ABLIM2: variants seen among roughly 807,000 people sequenced by gnomAD.
ABLIM2 encodes actin binding LIM protein family member 2, also known as actin-binding LIM protein 2.
A neutral mutation model predicts 97.7 loss-of-function variants in ABLIM2; 53 were observed. That is an observed-to-expected ratio of 0.54 (90% CI 0.44 to 0.68). The LOEUF (loss-of-function observed/expected upper bound fraction) is 0.68. ABLIM2 is among the 30% of genes least tolerant of loss of function. The pLI, the probability that ABLIM2 is intolerant of heterozygous loss-of-function variation, is 0.00. For missense variants in ABLIM2, 835 were observed against 867.2 expected (o/e 0.96, Z 0.47); for synonymous variants, 361 against 345.8 (o/e 1.04, Z -0.49).
rs1715088451 is a variant in ABLIM2 at position 8,155,732 on chromosome 4, G to C, written c.10+2948C>G. 6.6e-6 allele frequency among the ~76,000 whole-genome samples: 1 copy of C among 151,938 alleles called. No individual in the cohort carries two copies. The highest frequency in any genetic ancestry group is 2.4e-5 in the African/African-American group (1 of 41,350). ...TCTGGCTGGGGTTTTCATAAGAACA[G>C]ATTAGGACACAGACACACACAAAGG... is the stretch of plus-strand genomic sequence containing the variant. On this transcript the variant is annotated intron_variant, in intron 1 of 20. Coordinates refer to ENST00000447017, the MANE Select transcript of ABLIM2 (RefSeq NM_001130083.2). The surrounding 1 kb of genome is among the most constrained non-coding windows in gnomAD (Gnocchi z 4.2).
At position 8,075,435 on chromosome 4, in the gene ABLIM2, G is replaced by A. The variant is rs1815386685; in HGVS notation, c.675+2193C>T. Reference sequence around the variant, plus strand: ...GGGCTGGGTATGGTGACTCACACCTGTAATCCCAGCACTTTGGGCGGTGAA... The same window carrying A: ...GGGCTGGGTATGGTGACTCACACCTATAATCCCAGCACTTTGGGCGGTGAA... On this transcript the variant is annotated intron_variant, in intron 6 of 20. Transcript: ENST00000447017. The surrounding 1 kb of genome is among the most constrained non-coding windows in gnomAD (Gnocchi z 4.4). Among the ~76,000 whole-genome samples the A allele has an allele frequency of 6.6e-6, 1 of 152,196 alleles. No individual in the cohort carries two copies. Among genetic ancestry groups the A allele is most frequent in the African/African-American group, 2.4e-5 (1 of 41,444 alleles).
chr4:8,118,797 C>T (rs970772220), intron 1 of ABLIM2, among the ~76,000 whole-genome samples: 34 of 152,216 alleles, frequency 2.2e-4, no homozygotes, highest in African/African-American at 7.7e-4. Context: ...CTTCCAGGCC[C>T]ACGTCAAATG....
At chr4:8,135,032 A>G (rs984135662) in intron 1 of ABLIM2, among the ~76,000 whole-genome samples, 2 of 152,250 alleles carry the variant, frequency 1.3e-5, no homozygotes, top group African/African-American at 4.8e-5. Flanking sequence ...CCCTTGTCCA[A>G]AATGCTCAGC....
chr4:8,152,026 C>T (rs904619766), intron 1 of ABLIM2, among the ~76,000 whole-genome samples: 4 of 152,248 alleles, frequency 2.6e-5, no homozygotes, highest in Admixed American at 2.6e-4. Context: ...TGTCCTGCCT[C>T]CTGGCTCTGT....
At chr4:8,078,016 C>T (rs1817377497) in intron 5 of ABLIM2, among the ~76,000 whole-genome samples, 1 of 152,226 alleles carries the variant, frequency 6.6e-6, no homozygotes. Context: ...GAAACGAGAG[C>T]TGCTTCTGTA....
At chr4:8,000,356 C>A (rs1045661672) in intron 16 of ABLIM2, among the ~76,000 whole-genome samples, 5 of 152,138 alleles carry the variant, frequency 3.3e-5, no homozygotes, top group African/African-American at 9.7e-5. Context: ...GCTCCTCAAC[C>A]CCCACATGCT....
At chr4:8,151,093 G>A (rs1476998178) in intron 1 of ABLIM2, among the ~76,000 whole-genome samples, 1 of 152,150 alleles carries the variant, frequency 6.6e-6, no homozygotes, top group Non-Finnish European at 1.5e-5. Context: ...GGAAACTAAG[G>A]CAAAGGGCAT....
chr4:8,055,316 C>T lies in ABLIM2; in HGVS notation c.764-1070G>A, dbSNP rs560260128. Among the ~76,000 whole-genome samples the T allele has an allele frequency of 7.2e-5, 11 of 152,224 alleles. No homozygotes were observed. In the East Asian group the frequency reaches 7.7e-4, roughly 11 times the overall value. ...CTCCCTGAACCTCAGCCTGACCTGCCGCTCCCTGTGATGGGCTGGCACTGT... is the reference window on the plus strand; with the variant it reads ...CTCCCTGAACCTCAGCCTGACCTGCTGCTCCCTGTGATGGGCTGGCACTGT... On this transcript the variant is annotated intron_variant, in intron 7 of 20. Coordinates refer to ENST00000447017, the MANE Select transcript of ABLIM2 (RefSeq NM_001130083.2).
At chr4:7,969,367 T>G (rs968861765) in intron 20 of ABLIM2, among the ~76,000 whole-genome samples, 3 of 151,800 alleles carry the variant, frequency 2.0e-5, no homozygotes, top group Non-Finnish European at 4.4e-5. Context: ...GGTGGGAGGA[T>G]CTCTTGAAGC....
chr4:8,143,342 A>C (rs985771603), intron 1 of ABLIM2, among the ~76,000 whole-genome samples: 1 of 152,176 alleles, frequency 6.6e-6, no homozygotes, highest in African/African-American at 2.4e-5. Context: ...ACTGTCACTG[A>C]GCACGTACTA....
chr4:8,091,982 TTATAA>T (rs1829081478), intron 3 of ABLIM2, among the ~76,000 whole-genome samples: 1 of 135,256 alleles, frequency 7.4e-6, no homozygotes, highest in Non-Finnish European at 1.5e-5. Flanking sequence ...TTTATATATA[TTATAA>T]TATATAATAT....
At position 8,005,108 on chromosome 4, in the gene ABLIM2, GTGT is replaced by G. The variant is rs1331695030; in HGVS notation, c.1618+2948_1618+2950del. On this transcript the variant is annotated intron_variant, in intron 16 of 20. Transcript: ENST00000447017. The surrounding 1 kb of genome is among the most constrained non-coding windows in gnomAD (Gnocchi z 4.9). Reference sequence around the variant, plus strand: ...CAGTCCCGGGTGAGATGTGCAGATGGTGTTGTGGGTGAGATGAGTTTGTGATCG... The same window carrying G: ...CAGTCCCGGGTGAGATGTGCAGATGGTGTGGGTGAGATGAGTTTGTGATCG... Among the ~76,000 whole-genome samples, 1 of 152,216 alleles carries G rather than the reference GTGT, an allele frequency of 6.6e-6. No individual in the cohort carries two copies. Among genetic ancestry groups the G allele is most frequent in the Non-Finnish European group, 1.5e-5 (1 of 68,038 alleles).
chr4:8,144,202 A>G (rs73799607), intron 1 of ABLIM2, among the ~76,000 whole-genome samples: 11,768 of 152,320 alleles, frequency 0.077, 545 homozygotes, highest in Middle Eastern at 0.15. Context: ...GCGGGGAAGC[A>G]GCCCCTGGTG....
At position 8,122,142 on chromosome 4, in the gene ABLIM2, C is replaced by G. The variant is rs992241961; in HGVS notation, c.11-15505G>C. Reference sequence around the variant, plus strand: ...CTGGCCACACCTCAGCTGCAACCCACTCCTCCCCAGGCCTTTGAAGATGGG... The same window carrying G: ...CTGGCCACACCTCAGCTGCAACCCAGTCCTCCCCAGGCCTTTGAAGATGGG... On this transcript the variant is annotated intron_variant, in intron 1 of 20. Transcript: ENST00000447017. This position sits in a 1 kb window ranked among gnomAD's most constrained non-coding sequence, Gnocchi z 4.1. Among the ~76,000 whole-genome samples, 1 of 152,224 alleles carries G rather than the reference C, an allele frequency of 6.6e-6. No homozygotes were observed. Among genetic ancestry groups the G allele is most frequent in the African/African-American group, 2.4e-5 (1 of 41,464 alleles).
chr4:8,095,805 G>C lies in ABLIM2; in HGVS notation c.338+1294C>G, dbSNP rs73796863. 0.044 allele frequency among the ~76,000 whole-genome samples: 6,625 copies of C among 152,218 alleles called. 333 individuals carry two copies. The highest frequency in any genetic ancestry group is 0.16 in the East Asian group (814 of 5,166). On this transcript the variant is annotated intron_variant, in intron 3 of 20. Coordinates refer to ENST00000447017, the MANE Select transcript of ABLIM2 (RefSeq NM_001130083.2). This position sits in a 1 kb window ranked among gnomAD's most constrained non-coding sequence, Gnocchi z 4.7. ...TTTTGGTGTCCACACTGCATGCCCT[G>C]GGGTTCGACGAGGAATCTCTGCCCT...
At chr4:8,100,767 A>G (rs1184315974) in intron 2 of ABLIM2, among the ~76,000 whole-genome samples, 2 of 151,852 alleles carry the variant, frequency 1.3e-5, no homozygotes, top group African/African-American at 4.8e-5. Flanking sequence ...AAAAAAAAAA[A>G]AAAAAGAAAT....
Position 8,148,710 on chromosome 4 carries a change from G to C in ABLIM2, c.10+9970C>G, listed in dbSNP as rs147841602. Among the ~76,000 whole-genome samples the C allele has an allele frequency of 2.0e-3, 308 of 152,266 alleles. 1 individual carries two copies. The highest frequency in any genetic ancestry group is 6.9e-3 in the African/African-American group (288 of 41,558). ...AATGCTACATCCCAAGGTGTCCATT[G>C]CCCCAAACCACACAGGAACTCAGAG... On this transcript the variant is annotated intron_variant, in intron 1 of 20. Transcript: ENST00000447017. This position sits in a 1 kb window ranked among gnomAD's most constrained non-coding sequence, Gnocchi z 6.7.
intron 1 of ABLIM2, among the ~76,000 whole-genome samples, chr4:8,152,575 T>C (rs535735494): frequency 1.3e-5 from 2 of 152,242 alleles, no homozygotes; most frequent in South Asian, 4.1e-4. Flanking sequence ...ATTCCTTGAG[T>C]AAATTAAGAC....
rs571494815 is a variant in ABLIM2, at chr4:7,999,135, G to C, written c.1619-6208C>G. Among the ~76,000 whole-genome samples, 54 of 152,246 alleles carry C rather than the reference G, an allele frequency of 3.5e-4. No individual in the cohort carries two copies. Among genetic ancestry groups the C allele is most frequent in the African/African-American group, 1.2e-3 (51 of 41,540 alleles). On this transcript the variant is annotated intron_variant, in intron 16 of 20. Transcript: ENST00000447017. The surrounding 1 kb of genome is among the most constrained non-coding windows in gnomAD (Gnocchi z 4.4). ...GGCTGGAGTACAATGGCGTGATCTTGGCTCACTGCAACCTCCTGGGTTCAA... is the reference window on the plus strand; with the variant it reads ...GGCTGGAGTACAATGGCGTGATCTTCGCTCACTGCAACCTCCTGGGTTCAA...
Sources: allele counts gnomAD v4.1 joint callset (sites outside exome capture counted in the v4.1 genomes callset), GRCh38; gene constraint gnomAD v4.1.1; non-coding constraint Gnocchi (gnomAD v3.1); transcripts MANE v1.5; gene names NCBI Gene and HGNC (gene_info 2026-07-23, HGNC 2026-07-21).